The following TMLHE variants were observed in gnomAD, a reference collection of about 807,000 sequenced individuals.
TMLHE encodes trimethyllysine hydroxylase, epsilon.
A neutral mutation model predicts 25.7 loss-of-function variants in TMLHE; 18 were observed. The observed-to-expected ratio is 0.70, with a 90% CI of 0.48 to 1.04. The LOEUF is 1.04. TMLHE is among the 50% of genes least tolerant of loss of function. The pLI, the probability that TMLHE is intolerant of heterozygous loss-of-function variation, is 0.00. For synonymous variants in TMLHE, 105 were observed against 97.0 expected (o/e 1.08, Z -0.49); for missense variants, 236 against 259.0 (o/e 0.91, Z 0.61).
At chrX:155,539,827 T>A (rs2067300472) in intron 2 of TMLHE, among the ~76,000 whole-genome samples, 1 of 110,170 alleles carries the variant, frequency 9.1e-6, no homozygotes, top group Admixed American at 9.8e-5. Flanking sequence ...AAAATAAGAA[T>A]ATCAACAAAT....
At chrX:155,599,878 A>C (rs2067746171) in intron 1 of TMLHE, among the ~76,000 whole-genome samples, 1 of 111,404 alleles carries the variant, frequency 9.0e-6, no homozygotes, top group Non-Finnish European at 1.9e-5. Context: ...TGGTTATCAC[A>C]ATGATTGGAG....
chrX:155,592,636 C>G (rs1056632266), intron 1 of TMLHE, among the ~76,000 whole-genome samples: 1 of 111,888 alleles, frequency 8.9e-6, no homozygotes. Context: ...CCAGGAAGCC[C>G]ACTCTAGTCT....
At chrX:155,541,550 G>T (rs2067312281) in intron 2 of TMLHE, among the ~76,000 whole-genome samples, 1 of 111,192 alleles carries the variant, frequency 9.0e-6, no homozygotes, top group Non-Finnish European at 1.9e-5. Context: ...TAATCCTCTG[G>T]GTATATACCC....
At chrX:155,589,085 G>A (rs1488243042) in intron 1 of TMLHE, among the ~76,000 whole-genome samples, 1 of 112,080 alleles carries the variant, frequency 8.9e-6, no homozygotes, top group Admixed American at 9.5e-5. Flanking sequence ...ATAAACCTAA[G>A]TGTCTATTGA....
intron 1 of TMLHE, among the ~76,000 whole-genome samples, chrX:155,549,144 G>C (rs1226575463): frequency 9.0e-6 from 1 of 111,175 alleles, no homozygotes; most frequent in African/African-American, 3.3e-5. Flanking sequence ...AAGCGCTTTG[G>C]AAATTTCTCA....
intron 5 of TMLHE, 53 bp downstream of exon 5, chrX:155,511,620 C>G: frequency 8.1e-6 from 9 of 1,115,848 alleles, no homozygotes; most frequent in Non-Finnish European, 1.1e-5. Flanking sequence ...TAAGAAACCA[C>G]TCAAGACTAT....
intron 2 of TMLHE, among the ~76,000 whole-genome samples, chrX:155,531,350 T>A (rs1414088073): frequency 9.0e-6 from 1 of 111,441 alleles, no homozygotes; most frequent in African/African-American, 3.3e-5. Context: ...GGTGAGGGCC[T>A]CAGGAAGCTT....
chrX:155,537,825 A>T (rs1598126), intron 2 of TMLHE, among the ~76,000 whole-genome samples: 28 of 109,372 alleles, frequency 2.6e-4, no homozygotes, highest in African/African-American at 9.3e-4. Context: ...AAATTGCTGG[A>T]GAAAAATTTT....
At chrX:155,533,032 A>C (rs1250293524) in intron 2 of TMLHE, among the ~76,000 whole-genome samples, 1 of 111,944 alleles carries the variant, frequency 8.9e-6, no homozygotes, top group African/African-American at 3.2e-5. Context: ...TAATTCTGTG[A>C]GAGTGTTTCT....
chrX:155,551,062 T>C (rs1410973654), intron 1 of TMLHE, among the ~76,000 whole-genome samples: 4 of 110,401 alleles, frequency 3.6e-5, no homozygotes, highest in Non-Finnish European at 5.7e-5. Context: ...TGAGGCTGCA[T>C]GCCCTTCATA....
At chrX:155,570,696 T>A (rs1167331028) in intron 1 of TMLHE, among the ~76,000 whole-genome samples, 1 of 56,983 alleles carries the variant, frequency 1.8e-5, no homozygotes, top group African/African-American at 4.2e-5. Context: ...TCAAAACCGC[T>A]CAACTACATG....
Position 155,506,880 on chromosome X carries a change from T to C in TMLHE, c.995+18A>G. 8.5e-7 allele frequency: 1 copy of C among 1,172,407 alleles called. No individual in the cohort carries two copies. Among genetic ancestry groups the C allele is most frequent in the Non-Finnish European group, 1.2e-6 (1 of 860,154 alleles). On this transcript the variant is annotated intron_variant, in intron 6 of 7. Coordinates refer to ENST00000334398, the MANE Select transcript of TMLHE (RefSeq NM_018196.4). Reference sequence around the variant, plus strand: ...TTGGCAAATATATTACAGTTGGGGATAGTTCTTTGATACTCACCTGATCAA... The same window carrying C: ...TTGGCAAATATATTACAGTTGGGGACAGTTCTTTGATACTCACCTGATCAA...
At chrX:155,601,353 A>G (rs782243013) in intron 1 of TMLHE, among the ~76,000 whole-genome samples, 22 of 112,481 alleles carry the variant, frequency 2.0e-4, no homozygotes, top group African/African-American at 6.8e-4. Context: ...TACATAAAAC[A>G]GTATTTTTAA....
chrX:155,597,571 C>A (rs1384821940), intron 1 of TMLHE, among the ~76,000 whole-genome samples: 2 of 111,798 alleles, frequency 1.8e-5, no homozygotes, highest in Non-Finnish European at 1.9e-5. Flanking sequence ...GCACTATTCA[C>A]AATAGCAAGG....
At chrX:155,531,854 G>A (rs988909828) in intron 2 of TMLHE, among the ~76,000 whole-genome samples, 8 of 111,276 alleles carry the variant, frequency 7.2e-5, no homozygotes, top group Non-Finnish European at 1.5e-4. Context: ...CAGTTGTGAC[G>A]ACAAAAAATG....
chrX:155,514,173 G>C lies in TMLHE; in HGVS notation c.451C>G (p.Leu151Val), dbSNP rs139292477. 38 of 1,209,202 alleles carry C rather than the reference G, an allele frequency of 3.1e-5. No homozygotes were observed. Among genetic ancestry groups the C allele is most frequent in the African/African-American group, 7.0e-5 (4 of 57,102 alleles). The part of the protein sequence containing the change: ...QKQKVIQPRI[L>V]WNAEIYQQAQ... ...TGCTGGTAGATTTCAGCATTCCATA[G>C]TATTCTAGGCTGGATGACTTTTTGT... Residue 151 changes from leucine to valine, a missense_variant, in exon 4 of 8, where the codon CTA becomes GTA. This residue lies in a region of TMLHE where 217 missense variants were observed against 214.6 expected (regional missense o/e 1.01). Coordinates refer to ENST00000334398, the MANE Select transcript of TMLHE (RefSeq NM_018196.4).
Position 155,514,197 on chromosome X carries a change from G to T in TMLHE, c.427C>A (p.Gln143Lys). 8.3e-7 allele frequency: 1 copy of T among 1,210,457 alleles called. No homozygotes were observed. The stretch of plus-strand genomic sequence containing the variant: ...AGTATTCTAGGCTGGATGACTTTTT[G>T]TTTCTGCCCTTCATAGCTGTTTTTC... ...LVKNSYEGQKQKVIQPRILWN... is the reference protein window; with the variant it reads ...LVKNSYEGQKKKVIQPRILWN... Residue 143 changes from glutamine to lysine, a missense_variant, in exon 4 of 8, where the codon CAA becomes AAA. This residue lies in a region of TMLHE where 217 missense variants were observed against 214.6 expected (regional missense o/e 1.01). Transcript: ENST00000334398.
chrX:155,531,965 T>A (rs781817822), intron 2 of TMLHE, among the ~76,000 whole-genome samples: 2 of 110,964 alleles, frequency 1.8e-5, no homozygotes, highest in Non-Finnish European at 3.8e-5. Context: ...AAACCACAGT[T>A]AAAAATAAAA....
At chrX:155,603,271 A>G (rs781822792) in intron 1 of TMLHE, among the ~76,000 whole-genome samples, 5 of 110,760 alleles carry the variant, frequency 4.5e-5, no homozygotes, top group African/African-American at 1.6e-4. Flanking sequence ...TTGAGGATGC[A>G]ATGAGCTGCA....
Sources: gnomAD v4.1 joint callset for allele counts (sites outside exome capture counted in the v4.1 genomes callset) on GRCh38, gnomAD v4.1.1 for gene constraint, gnomAD v4.1.1 regional missense constraint, MANE v1.5 for transcripts, NCBI Gene and HGNC (gene_info 2026-07-23, HGNC 2026-07-21) for gene names.